NCKAP5: variants seen among roughly 807,000 people sequenced by gnomAD.
NCKAP5 encodes NCK associated protein 5.
Under a neutral mutation model 167.0 loss-of-function variants are expected in NCKAP5, and 92 were observed. The ratio of observed to expected loss-of-function variants is 0.55; its 90% confidence interval spans 0.47 to 0.66. The LOEUF is 0.66. NCKAP5 is among the 30% of genes least tolerant of loss of function. The pLI is 0.00. For synonymous variants in NCKAP5, 891 were observed against 877.4 expected, an observed-to-expected ratio of 1.02 and a Z score of -0.27; for missense variants, 2,378 against 2,315.0, an observed-to-expected ratio of 1.03 and a Z score of -0.56.
At chr2:132,757,374 A>G (rs892900915) in intron 16 of NCKAP5, among the ~76,000 whole-genome samples, 1 of 152,218 alleles carries the variant, frequency 6.6e-6, no homozygotes, top group Non-Finnish European at 1.5e-5. Flanking sequence ...TTGCATGTCT[A>G]TGACTCATTA....
chr2:133,072,138 G>A (rs1014727514), intron 6 of NCKAP5, among the ~76,000 whole-genome samples: 6 of 151,200 alleles, frequency 4.0e-5, no homozygotes, highest in Non-Finnish European at 5.9e-5. Flanking sequence ...AGGCTGGAGT[G>A]CAATGGCATG....
intron 8 of NCKAP5, among the ~76,000 whole-genome samples, chr2:132,908,691 TA>T (rs1368332266): frequency 6.6e-6 from 1 of 152,214 alleles, no homozygotes; most frequent in African/African-American, 2.4e-5. Flanking sequence ...TGTTGCAGGA[TA>T]TTAAGAAATG....
chr2:132,931,608 T>C (rs1377741569), intron 8 of NCKAP5: 1 of 152,188 alleles, frequency 6.6e-6, no homozygotes. Flanking sequence ...CACAATTCTA[T>C]GGTGTTAAAG....
intron 3 of NCKAP5, among the ~76,000 whole-genome samples, chr2:133,383,389 A>G (rs1686672504): frequency 6.6e-6 from 1 of 152,224 alleles, no homozygotes; most frequent in South Asian, 2.1e-4. Flanking sequence ...TACAAAGGAC[A>G]TGAACTCATC....
intron 3 of NCKAP5, among the ~76,000 whole-genome samples, chr2:133,429,730 G>A (rs1460582498): frequency 1.3e-5 from 2 of 152,208 alleles, no homozygotes; most frequent in African/African-American, 4.8e-5. Flanking sequence ...GGGCACCTAG[G>A]TTGATTCCAT....
intron 3 of NCKAP5, among the ~76,000 whole-genome samples, chr2:133,333,256 G>A (rs1330985392): frequency 1.3e-5 from 2 of 152,136 alleles, no homozygotes; most frequent in African/African-American, 4.8e-5. Flanking sequence ...AGCAGGGGAT[G>A]ATAATGTTTA....
intron 11 of NCKAP5, among the ~76,000 whole-genome samples, chr2:132,810,154 C>T (rs1478070444): frequency 6.6e-6 from 1 of 152,218 alleles, no homozygotes; most frequent in East Asian, 1.9e-4. Context: ...GAGAAATCTG[C>T]TGTTAATCTT....
At chr2:133,243,286 C>A (rs2087813222) in intron 4 of NCKAP5, among the ~76,000 whole-genome samples, 1 of 152,088 alleles carries the variant, frequency 6.6e-6, no homozygotes, top group Admixed American at 6.5e-5. Flanking sequence ...TGGTTCTAAT[C>A]AAATTGTGGA....
intron 19 of NCKAP5, among the ~76,000 whole-genome samples, chr2:132,718,162 C>T (rs1307191777): frequency 1.3e-5 from 2 of 152,166 alleles, no homozygotes; most frequent in East Asian, 3.9e-4. Context: ...CTTCCCTACT[C>T]CTTAGTGTCT....
chr2:133,162,860 G>A (rs1272065035), intron 5 of NCKAP5, among the ~76,000 whole-genome samples: 1 of 152,180 alleles, frequency 6.6e-6, no homozygotes, highest in Admixed American at 6.5e-5. Flanking sequence ...TGCTTTTCAA[G>A]AGTAAGATCC....
At chr2:133,505,390 A>C (rs973960062) in intron 3 of NCKAP5, among the ~76,000 whole-genome samples, 8 of 150,750 alleles carry the variant, frequency 5.3e-5, no homozygotes, top group African/African-American at 1.7e-4. Context: ...TATATATGTA[A>C]ACCAAACATT....
At chr2:132,726,538 T>C (rs895357766) in intron 18 of NCKAP5, among the ~76,000 whole-genome samples, 11 of 152,186 alleles carry the variant, frequency 7.2e-5, no homozygotes, top group Non-Finnish European at 1.5e-4. Context: ...TTTGGGGCCC[T>C]TTTTTCTGTT....
At chr2:132,832,072 G>C (rs917982416) in intron 11 of NCKAP5, among the ~76,000 whole-genome samples, 23 of 151,958 alleles carry the variant, frequency 1.5e-4, no homozygotes, top group African/African-American at 4.8e-4. Context: ...TTTATAATTT[G>C]TTTTGAAATT....
chr2:133,655,663 G>A, the NCKAP5 span, among the ~76,000 whole-genome samples: 2 of 152,218 alleles, frequency 1.3e-5, no homozygotes, highest in Non-Finnish European at 2.9e-5. Flanking sequence ...GGGACCTTAA[G>A]TGTCTTATTT....
intron 8 of NCKAP5, among the ~76,000 whole-genome samples, chr2:132,951,146 A>G (rs2076175052): frequency 6.6e-6 from 1 of 152,192 alleles, no homozygotes; most frequent in Non-Finnish European, 1.5e-5. Context: ...ACGTGTTACA[A>G]GCTGTATCTT....
chr2:133,366,190 G>C (rs1685448085), intron 3 of NCKAP5, among the ~76,000 whole-genome samples: 1 of 152,114 alleles, frequency 6.6e-6, no homozygotes, highest in South Asian at 2.1e-4. Context: ...TGACTATTCT[G>C]AGAGCCTATC....
chr2:133,109,088 C>A (rs1395227155), intron 6 of NCKAP5, among the ~76,000 whole-genome samples: 1 of 152,188 alleles, frequency 6.6e-6, no homozygotes, highest in African/African-American at 2.4e-5. Context: ...GCAATTCCAC[C>A]AAGCCCTTCT....
intron 19 of NCKAP5, among the ~76,000 whole-genome samples, chr2:132,683,553 C>A (rs1261866969): frequency 1.3e-5 from 2 of 152,166 alleles, no homozygotes; most frequent in African/African-American, 4.8e-5. Context: ...TATGGAAATC[C>A]AGGTGCAATA....
the NCKAP5 span, among the ~76,000 whole-genome samples, chr2:133,662,178 A>C: frequency 2.0e-5 from 3 of 152,184 alleles, no homozygotes; most frequent in Non-Finnish European, 2.9e-5. Context: ...AAATCAATTT[A>C]AGATAATTTT....
Sources: gnomAD v4.1 joint callset for allele counts (sites outside exome capture counted in the v4.1 genomes callset) on GRCh38, gnomAD v4.1.1 for gene constraint, MANE v1.5 for transcripts, NCBI Gene and HGNC (gene_info 2026-07-23, HGNC 2026-07-21) for gene names.